Variants in TSPEAR observed in about 807,000 individuals in gnomAD.
The protein encoded by TSPEAR is thrombospondin type laminin G domain and EAR repeats.
TSPEAR carries 69 observed loss-of-function variants against 71.6 expected under a neutral mutation model. The ratio of observed to expected loss-of-function variants is 0.96; its 90% CI spans 0.79 to 1.18. The LOEUF is 1.18. TSPEAR is among the 50% of genes most tolerant of loss of function. The pLI is 0.00. For synonymous variants in TSPEAR, 402 were observed against 387.2 expected, an observed-to-expected ratio of 1.04 and a Z score of -0.45; for missense variants, 971 against 894.9, an observed-to-expected ratio of 1.09 and a Z score of -1.09.
intron 1 of TSPEAR, chr21:44,682,019 G>A (rs56135164): frequency 0.057 from 91,466 of 1,610,278 alleles, 2,944 homozygotes; most frequent in Middle Eastern, 0.1. Context: ...TCACGGGCAC[G>A]CACACGGAGG....
intron 5 of TSPEAR, among the ~76,000 whole-genome samples, chr21:44,529,096 G>A (rs1555915370): frequency 1.3e-5 from 2 of 152,198 alleles, no homozygotes; most frequent in African/African-American, 4.8e-5. Context: ...GTGTGACACA[G>A]TATACCATGC....
chr21:44,590,985 C>T (rs1308534990), intron 1 of TSPEAR, among the ~76,000 whole-genome samples: 3 of 152,058 alleles, frequency 2.0e-5, no homozygotes, highest in African/African-American at 4.8e-5. Flanking sequence ...GATGAAAAGT[C>T]GACAGAGACA....
At chr21:44,582,815 T>G (rs587757473) in intron 1 of TSPEAR, among the ~76,000 whole-genome samples, 1 of 136,998 alleles carries the variant, frequency 7.3e-6, no homozygotes, top group Admixed American at 7.6e-5. Flanking sequence ...TTTCTTTCTC[T>G]TTCTTTCTTT....
intron 11 of TSPEAR, among the ~76,000 whole-genome samples, chr21:44,502,003 T>C (rs1271770202): frequency 2.0e-5 from 3 of 152,330 alleles, no homozygotes; most frequent in South Asian, 2.1e-4. Context: ...TTTCCTATTA[T>C]AGATGCTAAA....
intron 1 of TSPEAR, chr21:44,591,690 G>A (rs781808182): frequency 6.3e-7 from 1 of 1,577,960 alleles, no homozygotes; most frequent in Non-Finnish European, 8.7e-7. Context: ...CGTGCTGGCA[G>A]GGGGAGGAGG....
intron 8 of TSPEAR, among the ~76,000 whole-genome samples, chr21:44,524,287 C>T (rs1369561848): frequency 6.6e-6 from 1 of 150,748 alleles, no homozygotes; most frequent in Non-Finnish European, 1.5e-5. Context: ...AGTTAGTCAA[C>T]TAATCATTCA....
intron 1 of TSPEAR, chr21:44,657,946 C>T (rs781998552): frequency 1.4e-5 from 23 of 1,597,342 alleles, no homozygotes; most frequent in Non-Finnish European, 1.8e-5. Flanking sequence ...CATCACCATC[C>T]TCCTCCCCAG....
chr21:44,627,213 C>T lies in TSPEAR; in HGVS notation c.83-59208G>A, dbSNP rs757126820. On this transcript the variant is annotated intron_variant, in intron 1 of 11. Transcript: ENST00000323084. ...TGTCCATCCGCTCCAGCGCTTACTC[C>T]GACTCCTGGCAGGTGGACGACTGCC... is the stretch of plus-strand genomic sequence containing the variant. The T allele has an allele frequency of 4.7e-5, 76 of 1,612,896 alleles. No individual in the cohort carries two copies. The Admixed American group carries it at 1.0e-3, about 22-fold the overall frequency.
At chr21:44,647,634 A>G (rs1477374646) in intron 1 of TSPEAR, 1 of 483,294 alleles carries the variant, frequency 2.1e-6, no homozygotes, top group Non-Finnish European at 3.9e-6. Flanking sequence ...TAATCAATAA[A>G]TTCTTGAGTC....
At chr21:44,575,108 G>C (rs1978345596) in intron 1 of TSPEAR, 1 of 1,208,528 alleles carries the variant, frequency 8.3e-7, no homozygotes, top group Admixed American at 2.6e-5. Flanking sequence ...CCTGCACTTT[G>C]ACCATTTCCT....
intron 1 of TSPEAR, among the ~76,000 whole-genome samples, chr21:44,600,162 G>A (rs403981): frequency 0.11 from 17,434 of 151,992 alleles, 1,460 homozygotes; most frequent in African/African-American, 0.22. Context: ...TCATTGACAG[G>A]GGCTTCTCTA....
chr21:44,639,287 A>C (rs1166378851), intron 1 of TSPEAR, among the ~76,000 whole-genome samples: 1 of 152,120 alleles, frequency 6.6e-6, no homozygotes, highest in African/African-American at 2.4e-5. Context: ...AAGTGGCACA[A>C]GCTGCTGCAC....
chr21:44,706,138 A>G (rs1601586703), intron 1 of TSPEAR, among the ~76,000 whole-genome samples: 1 of 152,016 alleles, frequency 6.6e-6, no homozygotes, highest in African/African-American at 2.4e-5. Flanking sequence ...GTCCCCCCAG[A>G]CCCTTCCCAG....
At chr21:44,708,007 GCACACACACA>G (rs58196199) in intron 1 of TSPEAR, among the ~76,000 whole-genome samples, 18,456 of 122,284 alleles carry the variant, frequency 0.15, 1,703 homozygotes, top group South Asian at 0.27. Flanking sequence ...CCCCGCGCGT[GCACACACACA>G]CACACACACA....
intron 1 of TSPEAR, among the ~76,000 whole-genome samples, chr21:44,649,212 C>T (rs1984625942): frequency 6.6e-6 from 1 of 152,176 alleles, no homozygotes; most frequent in South Asian, 2.1e-4. Flanking sequence ...GATCAGAGAC[C>T]CTCCAGCCTG....
intron 1 of TSPEAR, among the ~76,000 whole-genome samples, chr21:44,588,765 GTATA>G (rs587699493): frequency 8.2e-6 from 1 of 121,504 alleles, no homozygotes; most frequent in African/African-American, 2.8e-5. Context: ...ATGTATGTGT[GTATA>G]TATATGTATG....
rs563055383 is a variant in TSPEAR at position 44,701,290 on chromosome 21, G to A, written c.82+10143C>T. ...TTCGATACCTTCCTTCCAGCGACGT[G>A]AAACGATATATTCTTGCTGATTTAC... On this transcript the variant is annotated intron_variant, in intron 1 of 11. Coordinates refer to ENST00000323084, the MANE Select transcript of TSPEAR (RefSeq NM_144991.3). Among the ~76,000 whole-genome samples, 7 of 152,230 alleles carry A rather than the reference G, an allele frequency of 4.6e-5. No homozygotes were observed. The South Asian group carries it at 1.5e-3, about 32-fold the overall frequency.
intron 1 of TSPEAR, chr21:44,676,043 C>T: frequency 7.8e-6 from 7 of 892,194 alleles, no homozygotes; most frequent in South Asian, 1.3e-5. Flanking sequence ...CTCCAGATCA[C>T]CATGCTCAAT....
chr21:44,644,367 G>C (rs781981177), intron 1 of TSPEAR, among the ~76,000 whole-genome samples: 4 of 152,118 alleles, frequency 2.6e-5, no homozygotes, highest in Non-Finnish European at 5.9e-5. Context: ...TCTCCTGAAA[G>C]CATCACCAAG....
Sources: gnomAD v4.1 joint callset for allele counts (sites outside exome capture counted in the v4.1 genomes callset) on GRCh38, gnomAD v4.1.1 for gene constraint, MANE v1.5 for transcripts, NCBI Gene and HGNC (gene_info 2026-07-23, HGNC 2026-07-21) for gene names.